PIAS1: variants seen among roughly 807,000 people sequenced by gnomAD.
PIAS1 encodes the protein protein inhibitor of activated STAT 1, also known as E3 SUMO-protein ligase PIAS1.
In PIAS1, 6 loss-of-function variants were observed where a neutral mutation model predicts 71.3. The observed-to-expected ratio is 0.08, with a 90% CI of 0.05 to 0.17. The LOEUF (loss-of-function observed/expected upper bound fraction) is 0.17, where lower values mean the gene tolerates loss of function less well. Among genes scored for constraint, PIAS1 ranks in the 10% least tolerant of loss-of-function variants. The probability of loss-of-function intolerance (pLI) is 1.00; values close to 1 mark genes in which losing one functional copy is unlikely to be tolerated. For missense variants in PIAS1, 555 were observed against 793.6 expected (o/e 0.70, Z 3.61); for synonymous variants, 303 against 292.9 (o/e 1.03, Z -0.35).
Position 68,181,298 on chromosome 15 carries a change from T to A in PIAS1, c.1568T>A (p.Leu523His). ...GACACAAGCTACATTAATACCTCCC[T>A]CATCCAAGACTATAGGCATCCTTTC... The part of the protein sequence containing the change: ...AVDTSYINTS[L>H]IQDYRHPFHM... Residue 523 changes from leucine to histidine, a missense_variant, in exon 12 of 14, where the codon CTC (leucine) becomes CAC (histidine). Leu to His is a moderately conservative substitution (Grantham distance 99, BLOSUM62 -3). Coordinates refer to ENST00000249636, the MANE Select transcript of PIAS1 (RefSeq NM_016166.3). 2 of 1,613,732 alleles carry A rather than the reference T, an allele frequency of 1.2e-6. No individual in the cohort carries two copies. The highest frequency in any genetic ancestry group is 1.7e-6 in the Non-Finnish European group (2 of 1,179,676).
At chr15:68,165,287 A>G (rs1479545642) in intron 8 of PIAS1, among the ~76,000 whole-genome samples, 2 of 152,010 alleles carry the variant, frequency 1.3e-5, no homozygotes, top group East Asian at 1.9e-4. Context: ...ACACCTGGCT[A>G]ATTTTGTATT....
chr15:68,131,388 A>G (rs753581951), intron 2 of PIAS1, among the ~76,000 whole-genome samples: 1 of 152,008 alleles, frequency 6.6e-6, no homozygotes, highest in East Asian at 1.9e-4. Flanking sequence ...ACTATTTTAC[A>G]TTTTTTAGGT....
At chr15:68,159,698 A>G (rs961054578) in intron 7 of PIAS1, among the ~76,000 whole-genome samples, 1 of 152,148 alleles carries the variant, frequency 6.6e-6, no homozygotes, top group Non-Finnish European at 1.5e-5. Flanking sequence ...TAAATGATGG[A>G]CATTTATCCA....
intron 2 of PIAS1, among the ~76,000 whole-genome samples, chr15:68,095,357 G>C (rs1176983831): frequency 1.3e-5 from 2 of 152,048 alleles, no homozygotes; most frequent in African/African-American, 4.8e-5. Flanking sequence ...ATGGCAGCCA[G>C]CTGGAGGACT....
chr15:68,164,195 A>T (rs1358113475), intron 7 of PIAS1, among the ~76,000 whole-genome samples: 1 of 152,156 alleles, frequency 6.6e-6, no homozygotes, highest in Non-Finnish European at 1.5e-5. Flanking sequence ...AATAGATTAA[A>T]ATTCAAATAA....
intron 13 of PIAS1, chr15:68,184,817 C>G (rs1371718244): frequency 2.6e-5 from 4 of 153,394 alleles, no homozygotes; most frequent in African/African-American, 9.6e-5. Context: ...AGATAACAGT[C>G]TTGCTTGGGG....
In PIAS1 at chr15:68,187,609, C is replaced by T. The variant is rs1375442542; in HGVS notation, c.1730C>T (p.Ser577Leu). The change falls in exon 14 of 14, where the codon TCG becomes TTG. Residue 577 changes from serine (S) to leucine (L), a missense_variant. Around this residue, in one of 5 missense-constraint regions of PIAS1, gnomAD observed 244 missense variants for 307.5 expected, o/e 0.79. Coordinates refer to ENST00000249636, the MANE Select transcript of PIAS1 (RefSeq NM_016166.3). The surrounding 1 kb of genome is among the most constrained non-coding windows in gnomAD (Gnocchi z 5.3). ...TCAGATGATCAAGACCTCCTACACT[C>T]GTCTCGGTTTTTCCCGTATACCTCC... ...AVSDDQDLLHSSRFFPYTSSQ... is the reference protein window; with the variant it reads ...AVSDDQDLLHLSRFFPYTSSQ... The T allele has an allele frequency of 9.9e-6, 16 of 1,613,858 alleles. No individual in the cohort carries two copies. Among genetic ancestry groups the T allele is most frequent in the Non-Finnish European group, 1.3e-5 (15 of 1,179,854 alleles).
chr15:68,113,014 C>A (rs2092535338), intron 2 of PIAS1, among the ~76,000 whole-genome samples: 1 of 152,010 alleles, frequency 6.6e-6, no homozygotes, highest in South Asian at 2.1e-4. Context: ...GGTAGAATAC[C>A]AAGTAGCTAC....
rs2092993776 is a variant in PIAS1, at chr15:68,171,916, CT to C, written c.1009-1812del. 6.6e-6 allele frequency among the ~76,000 whole-genome samples: 1 copy of C among 150,842 alleles called. No homozygotes were observed. The highest frequency in any genetic ancestry group is 1.5e-5 in the Non-Finnish European group (1 of 67,708). On this transcript the variant is annotated intron_variant, in intron 8 of 13. Coordinates refer to ENST00000249636, the MANE Select transcript of PIAS1 (RefSeq NM_016166.3). The surrounding 1 kb of genome is among the most constrained non-coding windows in gnomAD (Gnocchi z 4.4). Reference sequence around the variant, plus strand: ...ATTTTTCTTTCATATATATTTTTTTCTTTTATATGTTTTATATATATATAAA... The same window carrying C: ...ATTTTTCTTTCATATATATTTTTTTCTTTATATGTTTTATATATATATAAA...
chr15:68,152,945 G>A (rs988572704), intron 6 of PIAS1, among the ~76,000 whole-genome samples: 2 of 146,588 alleles, frequency 1.4e-5, no homozygotes, highest in African/African-American at 5.1e-5. Flanking sequence ...TCATCTCTGG[G>A]TAGTCTGTCT....
At chr15:68,098,381 T>C (rs751080460) in intron 2 of PIAS1, among the ~76,000 whole-genome samples, 13 of 152,104 alleles carry the variant, frequency 8.5e-5, no homozygotes, top group Admixed American at 5.2e-4. Context: ...TTCATACTTG[T>C]TATGTTTGCA....
At chr15:68,155,466 A>AAAAAAAC (rs1567067566) in intron 7 of PIAS1, among the ~76,000 whole-genome samples, 3 of 145,500 alleles carry the variant, frequency 2.1e-5, no homozygotes, top group Non-Finnish European at 3.0e-5. Flanking sequence ...AAAAAAAAAA[A>AAAAAAAC]AAAAAACCAA....
At chr15:68,082,109 A>G (rs949810699) in intron 1 of PIAS1, among the ~76,000 whole-genome samples, 2 of 152,198 alleles carry the variant, frequency 1.3e-5, no homozygotes, top group Non-Finnish European at 2.9e-5. Context: ...TTTCCTGCCC[A>G]GCACTCTGTA....
intron 10 of PIAS1, 107 bp downstream of exon 10, chr15:68,175,874 G>T: frequency 1.6e-6 from 1 of 622,694 alleles, no homozygotes; most frequent in Non-Finnish European, 2.4e-6. Flanking sequence ...TTTGTGGATA[G>T]CTTAATAATT....
Position 68,190,797 on chromosome 15 carries a change from G to A in PIAS1, c.*2962G>A, listed in dbSNP as rs1445223156. The A allele has an allele frequency of 6.6e-6, 1 of 151,856 alleles. No homozygotes were observed. The highest frequency in any genetic ancestry group is 1.5e-5 in the Non-Finnish European group (1 of 67,972). The allele number at this position is 151,856 out of a possible 1,614,324, so 9.4% of individuals were successfully genotyped here. On this transcript the variant is annotated 3_prime_UTR_variant, in exon 14 of 14. Coordinates refer to ENST00000249636, the MANE Select transcript of PIAS1 (RefSeq NM_016166.3). The surrounding 1 kb of genome is among the most constrained non-coding windows in gnomAD (Gnocchi z 4.7). ...CTGAACCAGAACCATGCCATACTTG[G>A]TTGACTATTTTGAGCATTAAAATTG...
chr15:68,104,689 TATG>T (rs778131688), intron 2 of PIAS1, among the ~76,000 whole-genome samples: 86 of 152,302 alleles, frequency 5.6e-4, no homozygotes, highest in Non-Finnish European at 9.4e-4. Flanking sequence ...GAAGAGAAGA[TATG>T]ATGTGTTCCT....
chr15:68,131,680 T>G (rs2092688711), intron 2 of PIAS1, among the ~76,000 whole-genome samples: 1 of 152,164 alleles, frequency 6.6e-6, no homozygotes, highest in Admixed American at 6.5e-5. Context: ...TGACAGAATC[T>G]CTCTCTGTTT....
chr15:68,102,122 G>C (rs1174074172), intron 2 of PIAS1, among the ~76,000 whole-genome samples: 2 of 152,092 alleles, frequency 1.3e-5, no homozygotes, highest in Non-Finnish European at 2.9e-5. Flanking sequence ...ATTTAAATCT[G>C]TGATCCATTT....
chr15:68,169,945 A>G (rs2092981168), intron 8 of PIAS1, among the ~76,000 whole-genome samples: 1 of 152,116 alleles, frequency 6.6e-6, no homozygotes, highest in South Asian at 2.1e-4. Flanking sequence ...GTAGGTAGGT[A>G]GTGGGGCCAG....
Sources: gnomAD v4.1 joint callset for allele counts (sites outside exome capture counted in the v4.1 genomes callset) on GRCh38, gnomAD v4.1.1 for gene constraint, gnomAD v4.1.1 regional missense constraint, Gnocchi (gnomAD v3.1) non-coding constraint, MANE v1.5 for transcripts, NCBI Gene and HGNC (gene_info 2026-07-23, HGNC 2026-07-21) for gene names.